Variants in TMEM108 observed in about 807,000 individuals in gnomAD.
The protein encoded by TMEM108 is transmembrane protein 108.
A neutral mutation model predicts 35.1 loss-of-function variants in TMEM108; 12 were observed. The ratio of observed to expected loss-of-function variants is 0.34; its 90% confidence interval spans 0.22 to 0.55. The LOEUF (loss-of-function observed/expected upper bound fraction) is 0.55, where lower values mean the gene tolerates loss of function less well. TMEM108 is among the 20% of genes least tolerant of loss of function. TMEM108 has a pLI of 0.89. For synonymous variants in TMEM108, 287 were observed against 308.6 expected, an observed-to-expected ratio of 0.93 and a Z score of 0.73; for missense variants, 680 against 753.3, an observed-to-expected ratio of 0.90 and a Z score of 1.14.
intron 2 of TMEM108, among the ~76,000 whole-genome samples, chr3:133,081,000 T>C (rs1943802818): frequency 6.6e-6 from 1 of 152,172 alleles, no homozygotes; most frequent in Admixed American, 6.5e-5. Flanking sequence ...AGATGGGTGA[T>C]CTTGGGTAAG....
intron 3 of TMEM108, among the ~76,000 whole-genome samples, chr3:133,327,484 C>T (rs978923199): frequency 6.6e-6 from 1 of 152,142 alleles, no homozygotes; most frequent in African/African-American, 2.4e-5. Flanking sequence ...AGCATCAGGT[C>T]GTACTAATGC....
rs574975606 is a variant in TMEM108, at chr3:133,068,383, G to A, written c.-47+22363G>A. 2.0e-5 allele frequency among the ~76,000 whole-genome samples: 3 copies of A among 152,252 alleles called. No homozygotes were observed. In the East Asian group the frequency reaches 5.8e-4, roughly 29 times the overall value. On this transcript the variant is annotated intron_variant, in intron 2 of 5. Coordinates refer to ENST00000321871, the MANE Select transcript of TMEM108 (RefSeq NM_023943.4). ...ACTTCGGGCCAAGAGGTTAAAGTGTGAGGAACTTGAGGCAGGATAAAACTG... is the reference window on the plus strand; with the variant it reads ...ACTTCGGGCCAAGAGGTTAAAGTGTAAGGAACTTGAGGCAGGATAAAACTG...
intron 2 of TMEM108, among the ~76,000 whole-genome samples, chr3:133,202,415 T>C (rs1238420754): frequency 6.6e-6 from 1 of 152,250 alleles, no homozygotes; most frequent in Non-Finnish European, 1.5e-5. Flanking sequence ...TCTAGGTTTT[T>C]ATGGTTTTAG....
intron 2 of TMEM108, among the ~76,000 whole-genome samples, chr3:133,207,100 A>G (rs900392962): frequency 7.2e-5 from 11 of 152,130 alleles, no homozygotes; most frequent in Admixed American, 1.3e-4. Flanking sequence ...TTTGTTTACA[A>G]TGTGAGGGGA....
At chr3:133,235,200 G>A (rs1017121509) in intron 3 of TMEM108, among the ~76,000 whole-genome samples, 3 of 152,090 alleles carry the variant, frequency 2.0e-5, no homozygotes, top group Admixed American at 1.3e-4. Context: ...TAGATTCAAT[G>A]CCATCCCCAT....
chr3:133,357,430 T>A (rs963038830), intron 3 of TMEM108, among the ~76,000 whole-genome samples: 20 of 152,162 alleles, frequency 1.3e-4, no homozygotes, highest in Non-Finnish European at 2.8e-4. Context: ...CTACTGGGTA[T>A]CTACCAAAGA....
chr3:133,070,819 A>T (rs1361302331), intron 2 of TMEM108, among the ~76,000 whole-genome samples: 2 of 151,640 alleles, frequency 1.3e-5, no homozygotes, highest in Non-Finnish European at 2.9e-5. Flanking sequence ...CTTGTCGTTA[A>T]AAAAGAATCG....
intron 2 of TMEM108, among the ~76,000 whole-genome samples, chr3:133,148,989 C>A (rs1944759696): frequency 6.6e-6 from 1 of 151,946 alleles, no homozygotes; most frequent in Non-Finnish European, 1.5e-5. Flanking sequence ...AGAGGGAGAC[C>A]CTGTCTCAAA....
chr3:133,238,791 A>G (rs1946274126), intron 3 of TMEM108, among the ~76,000 whole-genome samples: 1 of 152,214 alleles, frequency 6.6e-6, no homozygotes, highest in South Asian at 2.1e-4. Flanking sequence ...TATAAATGAC[A>G]TAGTATTTAG....
chr3:133,331,903 C>T (rs1576460151), intron 3 of TMEM108, among the ~76,000 whole-genome samples: 2 of 152,286 alleles, frequency 1.3e-5, no homozygotes, highest in East Asian at 1.9e-4. Flanking sequence ...GGGTTTGGAT[C>T]GTGATCTGGT....
At chr3:133,395,759 A>G in intron 5 of TMEM108, 105 bp from the exon 6 acceptor site, 1 of 1,228,524 alleles carries the variant, frequency 8.1e-7, no homozygotes, top group Admixed American at 3.0e-5. Context: ...ATGTGCACCA[A>G]GCCATCAGTG....
At chr3:133,208,595 C>T (rs1285998835) in intron 2 of TMEM108, among the ~76,000 whole-genome samples, 1 of 152,176 alleles carries the variant, frequency 6.6e-6, no homozygotes, top group Non-Finnish European at 1.5e-5. Context: ...CCAACTACCA[C>T]CAGCTACTTC....
chr3:133,059,859 A>G lies in TMEM108; in HGVS notation c.-47+13839A>G, dbSNP rs531302755. Among the ~76,000 whole-genome samples, 9 of 152,322 alleles carry G rather than the reference A, an allele frequency of 5.9e-5. No homozygotes were observed. The South Asian group carries it at 1.4e-3, about 25-fold the overall frequency. ...AGCAAGGACAAGAGCTAATTCTCAC[A>G]TATCCTTGGCTACCCTTTTTCTCCC... On this transcript the variant is annotated intron_variant, in intron 2 of 5. Transcript: ENST00000321871.
At chr3:133,324,443 G>T (rs933026812) in intron 3 of TMEM108, among the ~76,000 whole-genome samples, 1 of 152,144 alleles carries the variant, frequency 6.6e-6, no homozygotes, top group Non-Finnish European at 1.5e-5. Flanking sequence ...AATTATTAGG[G>T]AAATGCAAGT....
chr3:133,068,059 CAATCCCTGAG>C (rs915802017), intron 2 of TMEM108, among the ~76,000 whole-genome samples: 5 of 151,542 alleles, frequency 3.3e-5, no homozygotes, highest in Non-Finnish European at 7.4e-5. Flanking sequence ...GGTAACTAAC[CAATCCCTGAG>C]ATGTAACATT....
chr3:133,089,275 G>A (rs530652627), intron 2 of TMEM108, among the ~76,000 whole-genome samples: 1 of 152,264 alleles, frequency 6.6e-6, no homozygotes, highest in South Asian at 2.1e-4. Flanking sequence ...CAGTGCACAG[G>A]GAGGCATGGG....
chr3:133,365,711 A>G (rs1164505265), intron 3 of TMEM108, among the ~76,000 whole-genome samples: 2 of 152,124 alleles, frequency 1.3e-5, no homozygotes, highest in Non-Finnish European at 2.9e-5. Context: ...TTAAGCTTTC[A>G]TCTTGGTCTT....
chr3:133,205,568 A>G (rs1559867836), intron 2 of TMEM108, among the ~76,000 whole-genome samples: 1 of 152,196 alleles, frequency 6.6e-6, no homozygotes. Context: ...TCTGAAGCTT[A>G]GTTTGGCTGG....
At chr3:133,202,394 C>G (rs1021236331) in intron 2 of TMEM108, among the ~76,000 whole-genome samples, 1 of 152,118 alleles carries the variant, frequency 6.6e-6, no homozygotes, top group Non-Finnish European at 1.5e-5. Context: ...ATGGTATTGC[C>G]TAGGTTTTCT....
Sources: allele counts gnomAD v4.1 joint callset (sites outside exome capture counted in the v4.1 genomes callset), GRCh38; gene constraint gnomAD v4.1.1; transcripts MANE v1.5; gene names NCBI Gene and HGNC (gene_info 2026-07-23, HGNC 2026-07-21).